Variants in ATP11A observed in about 807,000 individuals in gnomAD.
The protein encoded by ATP11A is ATPase phospholipid transporting 11A.
ATP11A carries 81 observed loss-of-function variants against 154.4 expected under a neutral mutation model. The observed-to-expected ratio is 0.52, with a 90% CI of 0.44 to 0.63. The LOEUF (loss-of-function observed/expected upper bound fraction) is 0.63, where lower values mean the gene tolerates loss of function less well. Among genes scored for constraint, ATP11A ranks in the 30% least tolerant of loss-of-function variants. The pLI, the probability that ATP11A is intolerant of heterozygous loss-of-function variation, is 0.00. For missense variants in ATP11A, 1,316 were observed against 1,474.3 expected (o/e 0.89, Z 1.76); for synonymous variants, 623 against 585.9 (o/e 1.06, Z -0.91).
At chr13:112,834,182 G>GGGGGTAACAGCCTCTC (rs1204471509) in intron 14 of ATP11A, among the ~76,000 whole-genome samples, 2 of 152,248 alleles carry the variant, frequency 1.3e-5, no homozygotes, top group African/African-American at 4.8e-5. Flanking sequence ...GCCTTGGTGT[G>GGGGGTAACAGCCTCTC]GGGGTAACAG....
At chr13:112,741,467 G>A (rs1357235996) in intron 1 of ATP11A, among the ~76,000 whole-genome samples, 1 of 152,222 alleles carries the variant, frequency 6.6e-6, no homozygotes. Flanking sequence ...GGGGGCACCT[G>A]TCATGGTGGA....
intron 1 of ATP11A, among the ~76,000 whole-genome samples, chr13:112,703,497 TG>T (rs570810089): frequency 7.1e-4 from 108 of 152,298 alleles, no homozygotes; most frequent in African/African-American, 2.6e-3. Context: ...GGATCGGAAA[TG>T]GCAAAGAGGA....
chr13:112,860,806 T>G (rs568477417), intron 24 of ATP11A: 1 of 157,842 alleles, frequency 6.3e-6, no homozygotes, highest in Non-Finnish European at 1.4e-5. Context: ...AGCTCTGGTT[T>G]CAGGGTGTCT....
intron 17 of ATP11A, among the ~76,000 whole-genome samples, chr13:112,842,771 C>T (rs1014037500): frequency 3.3e-5 from 5 of 152,256 alleles, no homozygotes; most frequent in African/African-American, 1.2e-4. Context: ...TCAGCACTTT[C>T]GTTTTCTGTT....
intron 1 of ATP11A, among the ~76,000 whole-genome samples, chr13:112,702,633 C>T (rs530251855): frequency 2.6e-5 from 4 of 152,374 alleles, no homozygotes; most frequent in Middle Eastern, 3.4e-3. Context: ...GTGAGACAGG[C>T]GCATCTCTCA....
At chr13:112,871,669 CTT>C in intron 25 of ATP11A, 64 bp from the exon 26 acceptor site, 1 of 1,493,278 alleles carries the variant, frequency 6.7e-7, no homozygotes, top group South Asian at 1.1e-5. Flanking sequence ...TTCTAAAACT[CTT>C]GATTGTGAAA....
chr13:112,751,971 A>G (rs1180711718), intron 1 of ATP11A, among the ~76,000 whole-genome samples: 1 of 152,242 alleles, frequency 6.6e-6, no homozygotes, highest in Non-Finnish European at 1.5e-5. Flanking sequence ...GCATCTTTGT[A>G]AATAACGATG....
Position 112,859,529 on chromosome 13 carries a change from G to A in ATP11A, c.2727+77G>A, listed in dbSNP as rs1594200253. On this transcript the variant is annotated intron_variant, in intron 23 of 29. Coordinates refer to ENST00000375645, the MANE Select transcript of ATP11A (RefSeq NM_015205.3). The surrounding 1 kb of genome is among the most constrained non-coding windows in gnomAD (Gnocchi z 4.3). ...CGCAGTGGGTGGCTGCTGTGGGGAG[G>A]GGAGACTTGGGAATGAGCAGCACTC... 1.4e-5 allele frequency: 17 copies of A among 1,247,352 alleles called. No individual in the cohort carries two copies. Among genetic ancestry groups the A allele is most frequent in the Middle Eastern group, 1.9e-4 (1 of 5,372 alleles). The allele number at this position is 1,247,352 out of a possible 1,614,324, so 77.3% of individuals were successfully genotyped here.
chr13:112,706,442 C>CT (rs1193936125), intron 1 of ATP11A, among the ~76,000 whole-genome samples: 1 of 152,190 alleles, frequency 6.6e-6, no homozygotes, highest in African/African-American at 2.4e-5. Context: ...GGTTCCATGG[C>CT]TTTTTCCTAA....
chr13:112,871,796 T>A lies in ATP11A; in HGVS notation c.3053T>A (p.Leu1018Gln), dbSNP rs1385759598. The A allele has an allele frequency of 3.7e-6, 6 of 1,613,902 alleles. No individual in the cohort carries two copies. Among genetic ancestry groups the A allele is most frequent in the Admixed American group, 3.3e-5 (2 of 60,006 alleles). ...VFTVMVFTVT[L>Q]KLALDTHYWT... ...ACCGTGATGGTGTTCACAGTTACACTAAAGGTAAGTGGTCTCGCGCTCACG... is the reference window on the plus strand; with the variant it reads ...ACCGTGATGGTGTTCACAGTTACACAAAAGGTAAGTGGTCTCGCGCTCACG... The change falls in exon 26 of 30, where the codon CTA (leucine) becomes CAA (glutamine). Residue 1018 changes from leucine to glutamine, a missense_variant. Transcript: ENST00000375645.
chr13:112,787,684 G>A (rs1315014410), intron 2 of ATP11A, among the ~76,000 whole-genome samples: 1 of 120,656 alleles, frequency 8.3e-6, no homozygotes, highest in African/African-American at 3.1e-5. Flanking sequence ...ATTCACACCG[G>A]GTGTCCTGAT....
intron 11 of ATP11A, 140 bp downstream of exon 11, chr13:112,825,720 A>C (rs2078916512): frequency 2.0e-6 from 2 of 1,000,508 alleles, no homozygotes. Context: ...TGATAGATGC[A>C]TTCACTGAAA....
intron 1 of ATP11A, among the ~76,000 whole-genome samples, chr13:112,771,013 G>A (rs1460144248): frequency 6.6e-6 from 1 of 152,168 alleles, no homozygotes; most frequent in Non-Finnish European, 1.5e-5. Context: ...CTGCCCCGCG[G>A]TGTAATTCAG....
rs182175488 is a variant in ATP11A at position 112,883,025 on chromosome 13, C to T, written c.*1159C>T. On this transcript the variant is annotated 3_prime_UTR_variant, in exon 30 of 30. Coordinates refer to ENST00000375645, the MANE Select transcript of ATP11A (RefSeq NM_015205.3). ...ACGTCCCCTCGTCCCATCCCCACGT[C>T]CCCTCATCCCGTCACCTCGTCCCCA... is the stretch of plus-strand genomic sequence containing the variant. The T allele has an allele frequency of 5.0e-3, 1,976 of 398,216 alleles. 8 individuals are homozygous for T. Among genetic ancestry groups the T allele is most frequent in the Non-Finnish European group, 7.0e-3 (1,583 of 226,132 alleles). 24.7% of individuals were successfully genotyped at this position (398,216 alleles called of 1,614,324 possible).
Position 112,769,098 on chromosome 13 carries a change from G to A in ATP11A, c.40-16037G>A, listed in dbSNP as rs145740487. Among the ~76,000 whole-genome samples the A allele has an allele frequency of 6.4e-3, 982 of 152,298 alleles. 12 individuals are homozygous for A. Among genetic ancestry groups the A allele is most frequent in the Non-Finnish European group, 0.011 (731 of 68,006 alleles). On this transcript the variant is annotated intron_variant, in intron 1 of 29. Transcript: ENST00000375645. ...GGGGAAGGTTTGCAAGTCGGGAGAC[G>A]GGAGCAATGACAGGGCCCCATGGGC...
At position 112,785,056 on chromosome 13, in the gene ATP11A, G is replaced by A; in HGVS notation, c.40-79G>A. 1 of 1,364,524 alleles carries A rather than the reference G, an allele frequency of 7.3e-7. No homozygotes were observed. Among genetic ancestry groups the A allele is most frequent in the Non-Finnish European group, 9.5e-7 (1 of 1,049,544 alleles). The allele number at this position is 1,364,524 out of a possible 1,614,324, so 84.5% of individuals were successfully genotyped here. A position where few individuals can be genotyped will look rare whatever the true frequency, so the allele number is the denominator to read the frequency against. On this transcript the variant is annotated intron_variant, in intron 1 of 29. Transcript: ENST00000375645. This position sits in a 1 kb window ranked among gnomAD's most constrained non-coding sequence, Gnocchi z 4.8. ...TACAGGTCTCCGTTCCGACGAACGTGCCTCAAGGCAACACTCTGGGCAAGA... is the reference window on the plus strand; with the variant it reads ...TACAGGTCTCCGTTCCGACGAACGTACCTCAAGGCAACACTCTGGGCAAGA...
Position 112,707,636 on chromosome 13 carries a change from G to T in ATP11A, c.39+17181G>T, listed in dbSNP as rs191587631. Among the ~76,000 whole-genome samples the T allele has an allele frequency of 1.6e-4, 24 of 152,166 alleles. No individual in the cohort carries two copies. The East Asian group carries it at 4.6e-3, about 29-fold the overall frequency. Reference sequence around the variant, plus strand: ...GCAAATTAAAAAGGTGAAAAAGCTCGGTAAGTGGGTGCCTCATGAGCTGAG... The same window carrying T: ...GCAAATTAAAAAGGTGAAAAAGCTCTGTAAGTGGGTGCCTCATGAGCTGAG... On this transcript the variant is annotated intron_variant, in intron 1 of 29. Coordinates refer to ENST00000375645, the MANE Select transcript of ATP11A (RefSeq NM_015205.3).
In ATP11A at chr13:112,860,330, T is replaced by G; in HGVS notation, c.2771T>G (p.Phe924Cys). ...TAYLTLYNIS[F>C]TSLPILLYSL... Reference sequence around the variant, plus strand: ...TATCTGACCCTCTACAACATCAGCTTCACCTCCCTCCCCATCCTCCTGTAC... The same window carrying G: ...TATCTGACCCTCTACAACATCAGCTGCACCTCCCTCCCCATCCTCCTGTAC... The change falls in exon 24 of 30, where the codon TTC becomes TGC. Residue 924 changes from phenylalanine to cysteine, a missense_variant. Phe to Cys is a radical substitution (Grantham distance 205). Around this residue, in one of 5 missense-constraint regions of ATP11A, gnomAD observed 294 missense variants for 290.2 expected, o/e 1.01. Transcript: ENST00000375645. The G allele has an allele frequency of 2.5e-6, 4 of 1,614,168 alleles. No individual in the cohort carries two copies. Among genetic ancestry groups the G allele is most frequent in the Non-Finnish European group, 3.4e-6 (4 of 1,180,014 alleles).
At chr13:112,843,251 G>T (rs900174448) in intron 17 of ATP11A, among the ~76,000 whole-genome samples, 1 of 151,674 alleles carries the variant, frequency 6.6e-6, no homozygotes, top group African/African-American at 2.4e-5. Flanking sequence ...ACTCCCTCCT[G>T]TCAGACGTCC....
Sources: allele counts gnomAD v4.1 joint callset (sites outside exome capture counted in the v4.1 genomes callset), GRCh38; gene constraint gnomAD v4.1.1; regional missense constraint gnomAD v4.1.1; non-coding constraint Gnocchi (gnomAD v3.1); transcripts MANE v1.5; gene names NCBI Gene and HGNC (gene_info 2026-07-23, HGNC 2026-07-21).